Variants in MYT1L observed in about 807,000 individuals in gnomAD.
MYT1L encodes myelin transcription factor 1-like protein.
MYT1L carries 12 observed loss-of-function variants against 126.7 expected under a neutral mutation model. The ratio of observed to expected loss-of-function variants is 0.09; its 90% confidence interval spans 0.06 to 0.15. The LOEUF (loss-of-function observed/expected upper bound fraction) is 0.15. Ranked by LOEUF, MYT1L falls within the 10% of genes least tolerant of loss-of-function variation. The probability of loss-of-function intolerance (pLI) is 1.00; values close to 1 mark genes in which losing one functional copy is unlikely to be tolerated. For missense variants in MYT1L, 979 were observed against 1,585.2 expected, an observed-to-expected ratio of 0.62 and a Z score of 6.49; for synonymous variants, 541 against 604.2, an observed-to-expected ratio of 0.90 and a Z score of 1.53.
chr2:1,790,134 ATATATAGGACAAGG>A lies in MYT1L; in HGVS notation c.*1719_*1732del, dbSNP rs1199045528. The A allele has an allele frequency of 6.6e-6, 1 of 152,176 alleles. No individual in the cohort carries two copies. Among genetic ancestry groups the A allele is most frequent in the Non-Finnish European group, 1.5e-5 (1 of 68,040 alleles). 9.4% of individuals were successfully genotyped at this position (152,176 alleles called of 1,614,324 possible). ...CGAGGAATTGCACACCTCCGTACGGATATATAGGACAAGGTAAGTGCAAATAGTCGACTGGCACA... is the reference window on the plus strand; with the variant it reads ...CGAGGAATTGCACACCTCCGTACGGATAAGTGCAAATAGTCGACTGGCACA... On this transcript the variant is annotated 3_prime_UTR_variant, in exon 25 of 25. Coordinates refer to ENST00000647738, the MANE Select transcript of MYT1L (RefSeq NM_001303052.2).
At chr2:2,005,234 T>A (rs1049540531) in intron 4 of MYT1L, among the ~76,000 whole-genome samples, 4 of 150,458 alleles carry the variant, frequency 2.7e-5, no homozygotes, top group Admixed American at 2.6e-4. Flanking sequence ...CTGCGTGCCT[T>A]CTCTCCTGCA....
chr2:1,882,162 A>G (rs2047642506), intron 18 of MYT1L, among the ~76,000 whole-genome samples: 1 of 152,146 alleles, frequency 6.6e-6, no homozygotes, highest in Non-Finnish European at 1.5e-5. Context: ...GCAGTATTTC[A>G]GCACAAGCGG....
rs569022065 is a variant in MYT1L, at chr2:1,828,020, C to G, written c.3080+11129G>C. On this transcript the variant is annotated intron_variant, in intron 21 of 24. Transcript: ENST00000647738. Reference sequence around the variant, plus strand: ...TGTGTCCACAAATGAGACCCAGCAGCCCTGGAGCAGCCCCAGCGTCTCTCC... The same window carrying G: ...TGTGTCCACAAATGAGACCCAGCAGGCCTGGAGCAGCCCCAGCGTCTCTCC... 319 of 152,324 alleles carry G rather than the reference C, an allele frequency of 2.1e-3. 1 individual carries two copies. Among genetic ancestry groups the G allele is most frequent in the African/African-American group, 7.4e-3 (308 of 41,538 alleles). 9.4% of individuals were successfully genotyped at this position (152,324 alleles called of 1,614,324 possible).
At chr2:1,937,717 A>C (rs1220065743) in intron 9 of MYT1L, among the ~76,000 whole-genome samples, 1 of 151,908 alleles carries the variant, frequency 6.6e-6, no homozygotes, top group Non-Finnish European at 1.5e-5. Flanking sequence ...CAAGTCGAGA[A>C]GGCCCTAACG....
At chr2:1,803,682 G>A (rs2035230416) in intron 22 of MYT1L, among the ~76,000 whole-genome samples, 1 of 152,194 alleles carries the variant, frequency 6.6e-6, no homozygotes, top group Admixed American at 6.5e-5. Context: ...GGCCCAAGTG[G>A]TCACCAACAG....
At chr2:1,807,890 C>T (rs2035965875) in intron 22 of MYT1L, among the ~76,000 whole-genome samples, 3 of 152,176 alleles carry the variant, frequency 2.0e-5, no homozygotes, top group South Asian at 4.1e-4. Flanking sequence ...ATAACCTCCA[C>T]GTGTCGTGGG....
chr2:1,830,002 G>A (rs1328811203), intron 21 of MYT1L, among the ~76,000 whole-genome samples: 3 of 152,170 alleles, frequency 2.0e-5, no homozygotes, highest in East Asian at 3.8e-4. Context: ...TGTGTGCAGC[G>A]CCGAGCGAGG....
intron 12 of MYT1L, among the ~76,000 whole-genome samples, chr2:1,911,650 C>T (rs2051997760): frequency 6.6e-6 from 1 of 152,156 alleles, no homozygotes; most frequent in Admixed American, 6.5e-5. Flanking sequence ...GCAGCCAAGC[C>T]AAGCTACACA....
At chr2:1,916,545 G>A (rs939871769) in intron 11 of MYT1L, among the ~76,000 whole-genome samples, 1 of 152,196 alleles carries the variant, frequency 6.6e-6, no homozygotes, top group Non-Finnish European at 1.5e-5. Flanking sequence ...AAAAAAAGAT[G>A]TATATCATTT....
chr2:1,949,691 C>T (rs998884159), intron 8 of MYT1L, among the ~76,000 whole-genome samples: 2 of 152,126 alleles, frequency 1.3e-5, no homozygotes, highest in East Asian at 1.9e-4. Flanking sequence ...AACTTGGCAG[C>T]GTGTGCTCTG....
chr2:1,824,145 A>C (rs2148180006), intron 21 of MYT1L, among the ~76,000 whole-genome samples: 1 of 152,378 alleles, frequency 6.6e-6, no homozygotes, highest in East Asian at 1.9e-4. Flanking sequence ...GAACAAATTT[A>C]AATAATAGCT....
chr2:2,019,303 G>A (rs1353722250), intron 4 of MYT1L, among the ~76,000 whole-genome samples: 1 of 152,078 alleles, frequency 6.6e-6, no homozygotes, highest in East Asian at 1.9e-4. Context: ...ACACTCTCTT[G>A]CCTGCCACCA....
chr2:2,309,532 C>A (rs554268290), intron 1 of MYT1L, among the ~76,000 whole-genome samples: 1 of 151,976 alleles, frequency 6.6e-6, no homozygotes, highest in South Asian at 2.1e-4. Context: ...TCCACTTACA[C>A]TTCATTATAC....
In MYT1L at chr2:2,242,597, T is replaced by A. The variant is rs985459647; in HGVS notation, c.-421+41807A>T. Among the ~76,000 whole-genome samples the A allele has an allele frequency of 7.2e-5, 11 of 152,268 alleles. No individual in the cohort carries two copies. The East Asian group carries it at 1.9e-3, about 27-fold the overall frequency. ...TAAGCTTCCATTTATCAAGCACTGG[T>A]CACTTGGAATACTGTGGGCATTTCA... On this transcript the variant is annotated intron_variant, in intron 2 of 24. Transcript: ENST00000647738.
intron 18 of MYT1L, among the ~76,000 whole-genome samples, chr2:1,855,865 A>G (rs1206331722): frequency 1.3e-5 from 2 of 152,136 alleles, no homozygotes; most frequent in African/African-American, 4.8e-5. Context: ...AGAAATAAAA[A>G]ATAAAAAAAA....
At chr2:2,005,451 CGTT>C in intron 4 of MYT1L, among the ~76,000 whole-genome samples, 1 of 140,176 alleles carries the variant, frequency 7.1e-6, no homozygotes, top group East Asian at 2.3e-4. Flanking sequence ...TTCCTGCATG[CGTT>C]CTTTCCTGCA....
At chr2:1,920,740 G>A (rs2053462373) in intron 10 of MYT1L, among the ~76,000 whole-genome samples, 1 of 152,206 alleles carries the variant, frequency 6.6e-6, no homozygotes, top group South Asian at 2.1e-4. Flanking sequence ...AGCCCATCTT[G>A]TTAACGATGA....
At chr2:2,088,482 G>T (rs1028350694) in intron 3 of MYT1L, among the ~76,000 whole-genome samples, 1 of 152,108 alleles carries the variant, frequency 6.6e-6, no homozygotes. Context: ...TCACTAGAGC[G>T]ACCAGTGGAT....
At chr2:2,279,560 TGAATGAATGAAG>T (rs1221377980) in intron 2 of MYT1L, among the ~76,000 whole-genome samples, 8 of 56,866 alleles carry the variant, frequency 1.4e-4, no homozygotes, top group African/African-American at 5.6e-4. Flanking sequence ...AGAGAAGGAA[TGAATGAATGAAG>T]GAAGGAAGGA....
Sources: allele counts gnomAD v4.1 joint callset (sites outside exome capture counted in the v4.1 genomes callset), GRCh38; gene constraint gnomAD v4.1.1; transcripts MANE v1.5; gene names NCBI Gene and HGNC (gene_info 2026-07-23, HGNC 2026-07-21).